MREG: variants seen among roughly 807,000 people sequenced by gnomAD.
The protein encoded by MREG is melanoregulin, also known as dilute suppressor protein homolog.
Under a neutral mutation model 28.5 loss-of-function variants are expected in MREG, and 31 were observed. The ratio of observed to expected loss-of-function variants is 1.09; its 90% confidence interval spans 0.82 to 1.47. MREG has a LOEUF of 1.47. Ranked by LOEUF, MREG falls within the 40% of genes most tolerant of loss-of-function variation. The probability of loss-of-function intolerance (pLI) is 0.00; values close to 1 mark genes in which losing one functional copy is unlikely to be tolerated. For missense variants in MREG, 256 were observed against 257.4 expected (o/e 0.99, Z 0.04); for synonymous variants, 106 against 95.2 (o/e 1.11, Z -0.66).
chr2:216,008,969 A>C (rs1035454549), intron 1 of MREG, among the ~76,000 whole-genome samples: 9 of 152,210 alleles, frequency 5.9e-5, no homozygotes, highest in African/African-American at 2.2e-4. Context: ...TCTGTTAATG[A>C]AATCCCCACC....
chr2:215,960,017 G>A (rs180805980), intron 2 of MREG, among the ~76,000 whole-genome samples: 7 of 151,732 alleles, frequency 4.6e-5, no homozygotes, highest in East Asian at 1.9e-4. Context: ...GTGCAGTGGC[G>A]TGATCTCGGC....
At chr2:216,012,461 C>T (rs922335738) in intron 1 of MREG, among the ~76,000 whole-genome samples, 2 of 152,208 alleles carry the variant, frequency 1.3e-5, no homozygotes, top group Non-Finnish European at 1.5e-5. Context: ...TTACTCAACC[C>T]TGGAATTCCA....
At chr2:216,003,012 G>C (rs1306059521) in intron 1 of MREG, among the ~76,000 whole-genome samples, 1 of 149,380 alleles carries the variant, frequency 6.7e-6, no homozygotes, top group Admixed American at 6.7e-5. Context: ...TGTTCTTTCT[G>C]ATACTGGTTT....
chr2:215,943,964 A>G lies in MREG; in HGVS notation c.*899T>C, dbSNP rs1365916710. ...AAATGCAAGTACAACACATGAATAC[A>G]TAACTCTTTTTTTTTTTTTTTTTTT... On this transcript the variant is annotated 3_prime_UTR_variant, in exon 5 of 5. Transcript: ENST00000263268. 1 of 147,144 alleles carries G rather than the reference A, an allele frequency of 6.8e-6. No homozygotes were observed. The highest frequency in any genetic ancestry group is 1.5e-5 in the Non-Finnish European group (1 of 67,486). The allele number at this position is 147,144 out of a possible 1,614,324, so 9.1% of individuals were successfully genotyped here.
chr2:216,004,174 C>T (rs1273444145), intron 1 of MREG, among the ~76,000 whole-genome samples: 1 of 152,140 alleles, frequency 6.6e-6, no homozygotes, highest in Non-Finnish European at 1.5e-5. Flanking sequence ...ACAGCCACGT[C>T]CTCACTCCTC....
chr2:215,939,911 T>G (rs1048436528), downstream of MREG, among the ~76,000 whole-genome samples: 2 of 65,344 alleles, frequency 3.1e-5, no homozygotes, highest in Non-Finnish European at 7.1e-5. Flanking sequence ...AAACTACAGA[T>G]GTTTTTTTAA....
At chr2:215,959,320 G>A (rs1247725141) in intron 2 of MREG, among the ~76,000 whole-genome samples, 1 of 136,322 alleles carries the variant, frequency 7.3e-6, no homozygotes, top group Non-Finnish European at 1.6e-5. Flanking sequence ...CTGACATGTG[G>A]ATGAGCCCAA....
At chr2:216,015,123 G>GTGTCTGCGCGCGTGCATGTGCGCGCA (rs1553556732), upstream of MREG, among the ~76,000 whole-genome samples, 8 of 147,524 alleles carry the variant, frequency 5.4e-5, no homozygotes, top group Non-Finnish European at 1.2e-4. Flanking sequence ...GTGCACGCGT[G>GTGTCTGCGCGCGTGCATGTGCGCGCA]TGTGTGCGCG....
chr2:216,003,005 T>A (rs905434414), intron 1 of MREG, among the ~76,000 whole-genome samples: 4 of 152,066 alleles, frequency 2.6e-5, no homozygotes, highest in Non-Finnish European at 5.9e-5. Context: ...CTTCCTTTGT[T>A]CTTTCTGATA....
intron 2 of MREG, among the ~76,000 whole-genome samples, chr2:215,960,632 G>C (rs1179286793): frequency 6.7e-6 from 1 of 148,822 alleles, no homozygotes; most frequent in Non-Finnish European, 1.5e-5. Flanking sequence ...TCAGGAGATC[G>C]AGACCATTCT....
At chr2:216,025,631 TGG>T (rs2105931813) in intron 1 of MREG, among the ~76,000 whole-genome samples, 1 of 152,360 alleles carries the variant, frequency 6.6e-6, no homozygotes, top group East Asian at 1.9e-4. Context: ...AATCAGTCTT[TGG>T]ATGAGGCCTA....
chr2:215,963,462 A>C (rs1179494991), intron 2 of MREG, among the ~76,000 whole-genome samples: 4 of 131,750 alleles, frequency 3.0e-5, no homozygotes, highest in African/African-American at 1.1e-4. Flanking sequence ...AAAACAAAAA[A>C]ACAGAGTTTT....
chr2:215,979,974 CAAACAAAAAAAAAAAACAAAA>C (rs1693375485), intron 2 of MREG, among the ~76,000 whole-genome samples: 1 of 24,544 alleles, frequency 4.1e-5, no homozygotes, highest in Non-Finnish European at 9.2e-5. Flanking sequence ...AAAAAACAAA[CAAACAAAAAAAAAAAACAAAA>C]AAAACTAATG....
rs908524963 is a variant in MREG, at chr2:215,999,482, T to C, written c.96-3017A>G. Among the ~76,000 whole-genome samples the C allele has an allele frequency of 1.6e-4, 24 of 152,090 alleles. 1 individual carries two copies. Among genetic ancestry groups the C allele is most frequent in the Middle Eastern group, 6.3e-3 (2 of 316 alleles). ...ATGGGCAGGGCTTCTCTGGAAGAGA[T>C]AGAAAGAAGCCCATGAACCAACCAC... On this transcript the variant is annotated intron_variant, in intron 1 of 4. Transcript: ENST00000263268.
intron 2 of MREG, among the ~76,000 whole-genome samples, chr2:215,954,887 G>C (rs1403051992): frequency 6.6e-6 from 1 of 152,082 alleles, no homozygotes; most frequent in Non-Finnish European, 1.5e-5. Flanking sequence ...ATTTTTAGTA[G>C]AGATGCAGTC....
At chr2:215,978,496 C>A (rs1693319325) in intron 2 of MREG, among the ~76,000 whole-genome samples, 1 of 152,152 alleles carries the variant, frequency 6.6e-6, no homozygotes, top group Non-Finnish European at 1.5e-5. Context: ...CTATACCAAT[C>A]AACAGAAAAA....
intron 2 of MREG, among the ~76,000 whole-genome samples, chr2:215,976,673 C>G (rs933013128): frequency 6.6e-6 from 1 of 152,144 alleles, no homozygotes; most frequent in African/African-American, 2.4e-5. Context: ...AGACTAACAG[C>G]GGATCTCTCA....
rs569355180 is a variant in MREG at position 215,945,837 on chromosome 2, T to C, written c.347-103A>G. 8.7e-4 allele frequency: 856 copies of C among 981,606 alleles called. 16 individuals are homozygous for C. In the South Asian group the frequency reaches 0.015, roughly 18 times the overall value. 60.8% of individuals were successfully genotyped at this position (981,606 alleles called of 1,614,324 possible). A position where few individuals can be genotyped will look rare whatever the true frequency, so the allele number is the denominator to read the frequency against. On this transcript the variant is annotated intron_variant, in intron 3 of 4. Coordinates refer to ENST00000263268, the MANE Select transcript of MREG (RefSeq NM_018000.3). Reference sequence around the variant, plus strand: ...ATTACGAACAGACCCATGTGGATTCTGTACAAGCATAAAGCATCAGAAAAC... The same window carrying C: ...ATTACGAACAGACCCATGTGGATTCCGTACAAGCATAAAGCATCAGAAAAC...
chr2:216,024,243 A>C (rs1281533394), intron 1 of MREG, among the ~76,000 whole-genome samples: 1 of 152,098 alleles, frequency 6.6e-6, no homozygotes, highest in East Asian at 1.9e-4. Context: ...CCCCATAAGA[A>C]GACCAGGTGC....
Sources: gnomAD v4.1 joint callset for allele counts (sites outside exome capture counted in the v4.1 genomes callset) on GRCh38, gnomAD v4.1.1 for gene constraint, MANE v1.5 for transcripts, NCBI Gene and HGNC (gene_info 2026-07-23, HGNC 2026-07-21) for gene names.